Variants in TFAP2A observed in about 807,000 individuals in gnomAD.
TFAP2A encodes the protein transcription factor AP-2-alpha.
In TFAP2A, 7 loss-of-function variants were observed where a neutral mutation model predicts 41.5. The ratio of observed to expected loss-of-function variants is 0.17; its 90% CI spans 0.10 to 0.32. TFAP2A has a LOEUF of 0.32. TFAP2A is among the 10% of genes least tolerant of loss of function. The pLI is 1.00. For missense variants in TFAP2A, 416 were observed against 563.3 expected (o/e 0.74, Z 2.65); for synonymous variants, 247 against 242.8 (o/e 1.02, Z -0.16).
At chr6:10,411,048 C>CCA (rs1554112698) in intron 1 of TFAP2A, 1 of 97,868 alleles carries the variant, frequency 1.0e-5, no homozygotes, top group African/African-American at 5.3e-5. Flanking sequence ...GGGCTGTGGC[C>CCA]CCCCCCCCCC....
Position 10,404,693 on chromosome 6 carries a change from G to T in TFAP2A, c.585C>A (p.Ile195=), listed in dbSNP as rs1757618923. Residue 195 remains isoleucine (I), a synonymous_variant, in exon 4 of 7, where the codon ATC becomes ATA. Transcript: ENST00000379613. ...SKSNSNAVSA[I]PINKDNLFGG... is the part of the protein sequence containing the mutation. Reference sequence around the variant, plus strand: ...CGAAGAGGTTGTCCTTGTTAATAGGGATGGCGGAGACGGCATTGCTGTTGG... The same window carrying T: ...CGAAGAGGTTGTCCTTGTTAATAGGTATGGCGGAGACGGCATTGCTGTTGG... 1 of 1,614,092 alleles carries T rather than the reference G, an allele frequency of 6.2e-7. No homozygotes were observed.
intron 4 of TFAP2A, among the ~76,000 whole-genome samples, chr6:10,403,080 G>A (rs1361063479): frequency 2.0e-5 from 3 of 152,214 alleles, no homozygotes; most frequent in Non-Finnish European, 4.4e-5. Flanking sequence ...TAGCCCCAAA[G>A]GGAAATTCGT....
chr6:10,408,557 T>C (rs1255956660), intron 2 of TFAP2A, among the ~76,000 whole-genome samples: 1 of 152,206 alleles, frequency 6.6e-6, no homozygotes, highest in Non-Finnish European at 1.5e-5. Flanking sequence ...TTATATAAAT[T>C]AGTGCTCCTC....
chr6:10,411,657 G>T, intron 1 of TFAP2A: 1 of 1,611,366 alleles, frequency 6.2e-7, no homozygotes, highest in Non-Finnish European at 8.5e-7. Flanking sequence ...TGGAGCGCCC[G>T]GCTGCCCCGC....
chr6:10,400,487 T>C lies in TFAP2A; in HGVS notation c.992A>G (p.Asn331Ser), dbSNP rs902671328. 10 of 1,614,216 alleles carry C rather than the reference T, an allele frequency of 6.2e-6. No homozygotes were observed. The highest frequency in any genetic ancestry group is 6.8e-6 in the Non-Finnish European group (8 of 1,180,036). ...EFLNRQHSDP[N>S]EQVTRKNMLL... ...CATGTTTTTTCTTGTCACTTGCTCA[T>C]TGGGATCGGAATGTTGTCGGTTGAG... is the stretch of plus-strand genomic sequence containing the variant. Residue 331 changes from asparagine (N) to serine (S), a missense_variant, in exon 6 of 7, where the codon AAT becomes AGT. Physicochemically the swap from Asn to Ser is conservative, Grantham distance 46 (BLOSUM62 1). Around this residue, in one of 3 missense-constraint regions of TFAP2A, gnomAD observed 116 missense variants for 153.8 expected, o/e 0.75. Transcript: ENST00000379613.
intron 3 of TFAP2A, chr6:10,404,951 C>G: frequency 1.7e-6 from 1 of 599,136 alleles, no homozygotes; most frequent in Non-Finnish European, 3.0e-6. Flanking sequence ...GGAGGCGGCC[C>G]TGCCCTCCCC....
intron 6 of TFAP2A, among the ~76,000 whole-genome samples, chr6:10,400,200 C>G (rs1029951610): frequency 1.3e-5 from 2 of 150,930 alleles, no homozygotes; most frequent in Admixed American, 6.6e-5. Context: ...CAACCCACTC[C>G]CATACACACT....
upstream of TFAP2A, chr6:10,418,153 G>A (rs1471832514): frequency 1.3e-5 from 2 of 152,198 alleles, no homozygotes; most frequent in South Asian, 2.1e-4. Context: ...GTCTAAACTT[G>A]CGGATGAAAT....
chr6:10,400,914 C>T, intron 5 of TFAP2A: 3 of 500,316 alleles, frequency 6.0e-6, no homozygotes, highest in South Asian at 1.7e-5. Flanking sequence ...CAACTTCACA[C>T]CTATCAACAC....
upstream of TFAP2A, chr6:10,419,283 G>A (rs576475096): frequency 5.9e-5 from 61 of 1,033,820 alleles, no homozygotes; most frequent in African/African-American, 8.6e-4. Flanking sequence ...AGCTCTCCTG[G>A]GCGCTGCCAG....
intron 1 of TFAP2A, chr6:10,412,514 C>A (rs1272245652): frequency 1.1e-5 from 1 of 91,820 alleles, no homozygotes; most frequent in African/African-American, 4.9e-5. Flanking sequence ...GGGGCCCAGC[C>A]GGAGCGCACG....
Position 10,397,766 on chromosome 6 carries a change from G to T in TFAP2A, c.*651C>A. On this transcript the variant is annotated 3_prime_UTR_variant, in exon 7 of 7. Transcript: ENST00000379613. ...TGAACACTGATTCCCTTATATAACT[G>T]CGAATCGTGTTGCCAGAGAAAGTTC... 1 of 709,772 alleles carries T rather than the reference G, an allele frequency of 1.4e-6. No homozygotes were observed. Among genetic ancestry groups the T allele is most frequent in the Non-Finnish European group, 1.7e-6 (1 of 578,492 alleles). The allele number at this position is 709,772 out of a possible 1,614,324, so 44.0% of individuals were successfully genotyped here. A position where few individuals can be genotyped will look rare whatever the true frequency, so the allele number is the denominator to read the frequency against.
upstream of TFAP2A, chr6:10,415,338 T>A: frequency 1.7e-6 from 2 of 1,203,456 alleles, no homozygotes; most frequent in Non-Finnish European, 2.2e-6. Flanking sequence ...ATAGTCCAAT[T>A]GCTCGCCAGT....
chr6:10,402,646 A>T, intron 4 of TFAP2A, 36 bp from the exon 5 acceptor site: 1 of 1,481,024 alleles, frequency 6.8e-7, no homozygotes, highest in Non-Finnish European at 9.4e-7. Context: ...GGGATTTAGA[A>T]AACATTGGGT....
upstream of TFAP2A, among the ~76,000 whole-genome samples, chr6:10,419,256 C>T (rs1581280531): frequency 6.6e-6 from 1 of 152,312 alleles, no homozygotes; most frequent in East Asian, 1.9e-4. Context: ...TTTTTCCTGT[C>T]TTCGCTGTCT....
At chr6:10,417,007 G>A (rs1002951694), upstream of TFAP2A, 1 of 152,506 alleles carries the variant, frequency 6.6e-6, no homozygotes. Context: ...TCCAGGGCTA[G>A]ACCCTGCAGG....
At chr6:10,410,440 C>G in intron 1 of TFAP2A, 105 bp from the exon 2 acceptor site, 1 of 1,220,908 alleles carries the variant, frequency 8.2e-7, no homozygotes. Flanking sequence ...ATCGCCCGTT[C>G]CCGTTGGCTG....
rs1338181328 is a variant in TFAP2A at position 10,398,516 on chromosome 6, G to T, written c.1221C>A (p.Ala407=). 6.2e-7 allele frequency: 1 copy of T among 1,614,118 alleles called. No homozygotes were observed. The highest frequency in any genetic ancestry group is 1.3e-5 in the African/African-American group (1 of 74,936). ...VTALQNYLTE[A]LKAMDKMYLS... ...GGTACATTTTGTCCATGGCCTTGAG[G>T]GCCTCGGTGAGATAGTTCTGCAGGG... The change falls in exon 7 of 7, where the codon GCC becomes GCA. Residue 407 remains alanine, a synonymous_variant. Transcript: ENST00000379613. The surrounding 1 kb of genome is among the most constrained non-coding windows in gnomAD (Gnocchi z 5.3).
chr6:10,415,124 G>C (rs1036076394), upstream of TFAP2A: 107 of 1,581,200 alleles, frequency 6.8e-5, no homozygotes, highest in Non-Finnish European at 8.8e-5. Context: ...TGGAGGAGGA[G>C]AAGGAGGAGG....
Sources: allele counts gnomAD v4.1 joint callset (sites outside exome capture counted in the v4.1 genomes callset), GRCh38; gene constraint gnomAD v4.1.1; regional missense constraint gnomAD v4.1.1; non-coding constraint Gnocchi (gnomAD v3.1); transcripts MANE v1.5; gene names NCBI Gene and HGNC (gene_info 2026-07-23, HGNC 2026-07-21).